The following ZNF502 variants were observed in gnomAD, a reference collection of about 807,000 sequenced individuals.
The protein encoded by ZNF502 is zinc finger protein 502.
In ZNF502, 29 loss-of-function variants were observed where a neutral mutation model predicts 43.6. That is an observed-to-expected ratio of 0.67 (90% CI 0.50 to 0.91). The LOEUF is 0.91. ZNF502 is among the 40% of genes least tolerant of loss of function. ZNF502 has a pLI of 0.00. For synonymous variants in ZNF502, 171 were observed against 207.4 expected (o/e 0.82, Z 1.51); for missense variants, 591 against 647.2 (o/e 0.91, Z 0.94).
At chr3:44,718,670 A>G (rs1194261862) in intron 1 of ZNF502, among the ~76,000 whole-genome samples, 1 of 152,194 alleles carries the variant, frequency 6.6e-6, no homozygotes, top group African/African-American at 2.4e-5. Context: ...TCACACGTCT[A>G]AAGGGGACCC....
In ZNF502 at chr3:44,722,517, G is replaced by T. The variant is rs1402674642; in HGVS notation, c.*65G>T. On this transcript the variant is annotated 3_prime_UTR_variant, in exon 3 of 3. Transcript: ENST00000436624. ...GACTACGAATCTGACTGGGAGTAGAGGGGCAGGTAGAGTTCCTGGAGGGAA... is the reference window on the plus strand; with the variant it reads ...GACTACGAATCTGACTGGGAGTAGATGGGCAGGTAGAGTTCCTGGAGGGAA... 6.5e-7 allele frequency: 1 copy of T among 1,527,286 alleles called. No homozygotes were observed. The highest frequency in any genetic ancestry group is 2.0e-5 in the Admixed American group (1 of 50,592). 94.6% of individuals were successfully genotyped at this position (1,527,286 alleles called of 1,614,324 possible).
chr3:44,713,433 T>A (rs1361500206), intron 1 of ZNF502, among the ~76,000 whole-genome samples: 1 of 152,262 alleles, frequency 6.6e-6, no homozygotes, highest in African/African-American at 2.4e-5. Context: ...TTTAGGACGA[T>A]AAGGGCATAA....
chr3:44,718,154 T>C (rs1175579280), intron 1 of ZNF502, among the ~76,000 whole-genome samples: 1 of 152,222 alleles, frequency 6.6e-6, no homozygotes, highest in Non-Finnish European at 1.5e-5. Flanking sequence ...AGATAACTTA[T>C]TCCTTTCCAG....
Position 44,720,222 on chromosome 3 carries a change from C to T in ZNF502, c.-40C>T. ...GAGCAGGGTTCCCAGTTTTCCAGAC[C>T]TGAAGTGTTTTCCAATCAAAGCGAA... On this transcript the variant is annotated 5_prime_UTR_variant, in exon 2 of 3. Coordinates refer to ENST00000436624, the MANE Select transcript of ZNF502 (RefSeq NM_001134442.3). 1 of 1,612,584 alleles carries T rather than the reference C, an allele frequency of 6.2e-7. No homozygotes were observed. Among genetic ancestry groups the T allele is most frequent in the East Asian group, 2.2e-5 (1 of 44,864 alleles).
chr3:44,721,498 T>G lies in ZNF502; in HGVS notation c.681T>G (p.Thr227=). 6.2e-7 allele frequency: 1 copy of G among 1,614,210 alleles called. No individual in the cohort carries two copies. Among genetic ancestry groups the G allele is most frequent in the Non-Finnish European group, 8.5e-7 (1 of 1,180,020 alleles). ...CATTTCGATGTCGATCATTTCTTACTCAGCATCAAAGAATTCACACTGGAG... is the reference window on the plus strand; with the variant it reads ...CATTTCGATGTCGATCATTTCTTACGCAGCATCAAAGAATTCACACTGGAG... ...GKTFRCRSFL[T]QHQRIHTGEK... The change falls in exon 3 of 3, where the codon ACT becomes ACG. Residue 227 remains threonine (T), a synonymous_variant. Transcript: ENST00000436624.
chr3:44,722,591 A>G lies in ZNF502; in HGVS notation c.*139A>G. The G allele has an allele frequency of 4.2e-6, 5 of 1,185,996 alleles. No homozygotes were observed. Among genetic ancestry groups the G allele is most frequent in the Non-Finnish European group, 4.6e-6 (4 of 862,080 alleles). 73.5% of individuals were successfully genotyped at this position (1,185,996 alleles called of 1,614,324 possible). A position where few individuals can be genotyped will look rare whatever the true frequency, so the allele number is the denominator to read the frequency against. ...TACTCTGAGAGGAATGTTTCCAGAA[A>G]TGGAGGTGGGAGCTTAGGGAATGCA... On this transcript the variant is annotated 3_prime_UTR_variant, in exon 3 of 3. Coordinates refer to ENST00000436624, the MANE Select transcript of ZNF502 (RefSeq NM_001134442.3).
chr3:44,719,585 A>G (rs1704250307), intron 1 of ZNF502, among the ~76,000 whole-genome samples: 1 of 151,142 alleles, frequency 6.6e-6, no homozygotes, highest in Non-Finnish European at 1.5e-5. Context: ...CTTATTTCAC[A>G]GTTAAATTTA....
In ZNF502 at chr3:44,721,110, T is replaced by C. The variant is rs1319994651; in HGVS notation, c.293T>C (p.Ile98Thr). The C allele has an allele frequency of 2.0e-5, 32 of 1,614,150 alleles. No individual in the cohort carries two copies. Among genetic ancestry groups the C allele is most frequent in the Non-Finnish European group, 2.7e-5 (32 of 1,180,008 alleles). ...CACAAAGAAGCACCCCCTGAAATTA[T>C]TAGTCAAGGATATAATTTTGAGAAA... ...FIHKEAPPEI[I>T]SQGYNFEKSL... The change falls in exon 3 of 3, where the codon ATT (isoleucine) becomes ACT (threonine). Residue 98 changes from isoleucine (I) to threonine (T), a missense_variant. Transcript: ENST00000436624.
chr3:44,716,252 A>G (rs1704142046), intron 1 of ZNF502, among the ~76,000 whole-genome samples: 4 of 147,408 alleles, frequency 2.7e-5, no homozygotes, highest in African/African-American at 1.0e-4. Context: ...CAGTGGCGTG[A>G]TCTCGGCTCA....
chr3:44,721,432 C>A lies in ZNF502; in HGVS notation c.615C>A (p.His205Gln). Residue 205 changes from histidine to glutamine, a missense_variant, in exon 3 of 3, where the codon CAC (histidine) becomes CAA (glutamine). Coordinates refer to ENST00000436624, the MANE Select transcript of ZNF502 (RefSeq NM_001134442.3). Reference sequence around the variant, plus strand: ...TCCTTGTTCAACATCAAAGAATTCACACTGGAGTGAAACCATATGGATGTG... The same window carrying A: ...TCCTTGTTCAACATCAAAGAATTCAAACTGGAGTGAAACCATATGGATGTG... ...SSFLVQHQRI[H>Q]TGVKPYGCEQ... 6.2e-7 allele frequency: 1 copy of A among 1,614,190 alleles called. No homozygotes were observed. Among genetic ancestry groups the A allele is most frequent in the Admixed American group, 1.7e-5 (1 of 60,028 alleles).
Position 44,721,344 on chromosome 3 carries a change from C to T in ZNF502, c.527C>T (p.Thr176Ile). ...QSSSLTQHQRTHTGERPYTCE... is the reference protein window; with the variant it reads ...QSSSLTQHQRIHTGERPYTCE... ...TCATCCCTTACCCAACATCAGAGAA[C>T]TCATACTGGAGAGAGACCCTACACA... Residue 176 changes from threonine to isoleucine, a missense_variant, in exon 3 of 3, where the codon ACT (threonine) becomes ATT (isoleucine). By Grantham distance (89) the Thr-to-Ile change is moderately conservative. Transcript: ENST00000436624. 1 of 1,614,094 alleles carries T rather than the reference C, an allele frequency of 6.2e-7. No individual in the cohort carries two copies. Among genetic ancestry groups the T allele is most frequent in the Non-Finnish European group, 8.5e-7 (1 of 1,179,972 alleles).
Position 44,721,181 on chromosome 3 carries a change from A to G in ZNF502, c.364A>G (p.Thr122Ala), listed in dbSNP as rs1704314924. 6.2e-7 allele frequency: 1 copy of G among 1,614,160 alleles called. No homozygotes were observed. Among genetic ancestry groups the G allele is most frequent in the Non-Finnish European group, 8.5e-7 (1 of 1,180,032 alleles). The change falls in exon 3 of 3, where the codon ACA (threonine) becomes GCA (alanine). Residue 122 changes from threonine (T) to alanine (A), a missense_variant. Coordinates refer to ENST00000436624, the MANE Select transcript of ZNF502 (RefSeq NM_001134442.3). ...SSLVTRLRVS[T>A]EESLHQWETS... is the part of the protein sequence containing the mutation. ...CCTTGTTACACGTCTCAGGGTTTCT[A>G]CAGAAGAGAGTCTGCATCAGTGGGA... is the stretch of plus-strand genomic sequence containing the variant.
At chr3:44,717,897 C>G (rs9284880) in intron 1 of ZNF502, among the ~76,000 whole-genome samples, 1 of 151,848 alleles carries the variant, frequency 6.6e-6, no homozygotes, top group African/African-American at 2.4e-5. Context: ...GTGATCTTCC[C>G]ACCTTGGCCT....
chr3:44,720,055 AT>A (rs915688290), intron 1 of ZNF502, 147 bp from the exon 2 acceptor site: 8 of 601,628 alleles, frequency 1.3e-5, no homozygotes, highest in Non-Finnish European at 2.4e-5. Flanking sequence ...GCCAATGCTG[AT>A]TTTTGCGGAT....
In ZNF502 at chr3:44,722,664, C is replaced by A; in HGVS notation, c.*212C>A. On this transcript the variant is annotated 3_prime_UTR_variant, in exon 3 of 3. Transcript: ENST00000436624. Reference sequence around the variant, plus strand: ...TGGGAATACAGGGTAGAAAGAAATTCCTGCTTTTCAGATAAAGCCTACACA... The same window carrying A: ...TGGGAATACAGGGTAGAAAGAAATTACTGCTTTTCAGATAAAGCCTACACA... 1.8e-6 allele frequency: 1 copy of A among 566,578 alleles called. No individual in the cohort carries two copies. Among genetic ancestry groups the A allele is most frequent in the Non-Finnish European group, 3.0e-6 (1 of 333,612 alleles). The allele number at this position is 566,578 out of a possible 1,614,324, so 35.1% of individuals were successfully genotyped here. A position where few individuals can be genotyped will look rare whatever the true frequency, so the allele number is the denominator to read the frequency against.
intron 1 of ZNF502, among the ~76,000 whole-genome samples, chr3:44,713,014 G>T (rs75266471): frequency 5.3e-5 from 8 of 152,368 alleles, no homozygotes; most frequent in Admixed American, 1.3e-4. Flanking sequence ...GAGTGAATGA[G>T]TGATGGATAG....
rs565541930 is a variant in ZNF502, at chr3:44,714,727, G to T, written c.-60+1987G>T. On this transcript the variant is annotated intron_variant, in intron 1 of 2. Transcript: ENST00000436624. ...TCAACCATAATAGCATCTAACCCCT[G>T]TTGAGTGCCTGCCATCGAGTAGATA... The T allele has an allele frequency of 3.3e-5, 5 of 152,308 alleles. No individual in the cohort carries two copies. In the South Asian group the frequency reaches 8.3e-4, roughly 25 times the overall value. 9.4% of individuals were successfully genotyped at this position (152,308 alleles called of 1,614,324 possible).
At position 44,721,381 on chromosome 3, in the gene ZNF502, T is replaced by C. The variant is rs1377256986; in HGVS notation, c.564T>C (p.Cys188=). The change falls in exon 3 of 3, where the codon TGT becomes TGC. Residue 188 remains cysteine, a synonymous_variant. Coordinates refer to ENST00000436624, the MANE Select transcript of ZNF502 (RefSeq NM_001134442.3). ...AGAGACCCTACACATGTGAGGAATG[T>C]GGGAAAGCCTTTAGTCGTAGTTCAT... ...TGERPYTCEE[C]GKAFSRSSFL... The C allele has an allele frequency of 6.2e-7, 1 of 1,614,194 alleles. No individual in the cohort carries two copies. The highest frequency in any genetic ancestry group is 2.2e-5 in the East Asian group (1 of 44,880).
intron 2 of ZNF502, among the ~76,000 whole-genome samples, 181 bp downstream of exon 2, chr3:44,720,497 T>G (rs1268445588): frequency 6.6e-6 from 1 of 152,168 alleles, no homozygotes; most frequent in Non-Finnish European, 1.5e-5. Context: ...AATTTTATCA[T>G]TCTCATTTCT....
Sources: gnomAD v4.1 joint callset for allele counts (sites outside exome capture counted in the v4.1 genomes callset) on GRCh38, gnomAD v4.1.1 for gene constraint, MANE v1.5 for transcripts, NCBI Gene and HGNC (gene_info 2026-07-23, HGNC 2026-07-21) for gene names.